Variants in APEX1 observed in about 807,000 individuals in gnomAD.
The protein encoded by APEX1 is apurinic/apyrimidinic endodeoxyribonuclease 1.
A neutral mutation model predicts 33.2 loss-of-function variants in APEX1; 32 were observed. The ratio of observed to expected loss-of-function variants is 0.96; its 90% CI spans 0.73 to 1.29. The LOEUF is 1.29. Ranked by LOEUF, APEX1 falls within the 50% of genes most tolerant of loss-of-function variation. The probability of loss-of-function intolerance (pLI) is 0.00; values close to 1 mark genes in which losing one functional copy is unlikely to be tolerated. For missense variants in APEX1, 442 were observed against 395.6 expected, an observed-to-expected ratio of 1.12 and a Z score of -0.99; for synonymous variants, 175 against 156.6, an observed-to-expected ratio of 1.12 and a Z score of -0.88.
At position 20,456,763 on chromosome 14, in the gene APEX1, C is replaced by G. The variant is rs1384072273; in HGVS notation, c.342C>G (p.Leu114=). Residue 114 remains leucine, a synonymous_variant, in exon 4 of 5, where the codon CTC becomes CTG. Coordinates refer to ENST00000216714, the MANE Select transcript of APEX1 (RefSeq NM_001641.4). ...CTGAACTTCAGGAGCTGCCTGGACT[C>G]TCTCATCAATACTGGTCAGCTCCTT... ...LPAELQELPG[L]SHQYWSAPSD... 2 of 1,614,236 alleles carry G rather than the reference C, an allele frequency of 1.2e-6. No homozygotes were observed. The highest frequency in any genetic ancestry group is 1.7e-5 in the Admixed American group (1 of 60,030).
At position 20,457,693 on chromosome 14, in the gene APEX1, T is replaced by TAA; in HGVS notation, c.*193_*194dup. On this transcript the variant is annotated 3_prime_UTR_variant, in exon 5 of 5. Transcript: ENST00000216714. Reference sequence around the variant, plus strand: ...TTTTATTTGAGGGTTTTTTGTTTTTTAAAAAAAAATTGAACAAAGACTACT... The same window carrying TAA: ...TTTTATTTGAGGGTTTTTTGTTTTTTAAAAAAAAAAATTGAACAAAGACTACT... The TAA allele has an allele frequency of 2.6e-6, 2 of 777,822 alleles. No individual in the cohort carries two copies. The highest frequency in any genetic ancestry group is 4.0e-6 in the Non-Finnish European group (2 of 495,524). 48.2% of individuals were successfully genotyped at this position (777,822 alleles called of 1,614,324 possible).
Position 20,457,241 on chromosome 14 carries a change from T to C in APEX1, c.690T>C (p.Ala230=), listed in dbSNP as rs1387546665. The stretch of plus-strand genomic sequence containing the variant: ...ACCCCAAGGGGAACAAAAAGAATGC[T>C]GGCTTCACGCCACAAGAGCGCCAAG... ...LRNPKGNKKN[A]GFTPQERQGF... The change falls in exon 5 of 5, where the codon GCT becomes GCC. Residue 230 remains alanine, a synonymous_variant. Transcript: ENST00000216714. 3 of 1,614,246 alleles carry C rather than the reference T, an allele frequency of 1.9e-6. No individual in the cohort carries two copies.
In APEX1 at chr14:20,455,723, CCTT is replaced by C. The variant is rs770525472; in HGVS notation, c.58+25_58+27del. ...GGACAGGTAAGGGAATGAAATCAGC[CCTT>C]CTTCCTAGAAGCTGCGGCGGGGGTG... On this transcript the variant is annotated intron_variant, in intron 2 of 4. Coordinates refer to ENST00000216714, the MANE Select transcript of APEX1 (RefSeq NM_001641.4). 1.2e-6 allele frequency: 2 copies of C among 1,614,116 alleles called. No individual in the cohort carries two copies. The highest frequency in any genetic ancestry group is 1.7e-6 in the Non-Finnish European group (2 of 1,180,024).
chr14:20,456,487 C>T (rs1881363392), intron 3 of APEX1, among the ~76,000 whole-genome samples, 181 bp from the exon 4 acceptor site: 1 of 152,086 alleles, frequency 6.6e-6, no homozygotes, highest in South Asian at 2.1e-4. Flanking sequence ...ACTTTCTTAC[C>T]TCTCTATATT....
rs1269760185 is a variant in APEX1 at position 20,456,709 on chromosome 14, G to T, written c.288G>T (p.Glu96Asp). Residue 96 changes from glutamate to aspartate, a missense_variant, in exon 4 of 5, where the codon GAG becomes GAT. Transcript: ENST00000216714. ...EEAPDILCLQ[E>D]TKCSENKLPA... ...CCCCAGATATACTGTGCCTTCAAGA[G>T]ACCAAATGTTCAGAGAACAAACTAC... 3 of 1,614,106 alleles carry T rather than the reference G, an allele frequency of 1.9e-6. 1 individual carries two copies. Among genetic ancestry groups the T allele is most frequent in the South Asian group, 2.2e-5 (2 of 91,082 alleles).
Position 20,457,337 on chromosome 14 carries a change from T to C in APEX1, c.786T>C (p.Tyr262=), listed in dbSNP as rs1594415933. 1 of 1,614,232 alleles carries C rather than the reference T, an allele frequency of 6.2e-7. No individual in the cohort carries two copies. Among genetic ancestry groups the C allele is most frequent in the Non-Finnish European group, 8.5e-7 (1 of 1,180,038 alleles). The change falls in exon 5 of 5, where the codon TAT becomes TAC. Residue 262 remains tyrosine (Y), a synonymous_variant. Coordinates refer to ENST00000216714, the MANE Select transcript of APEX1 (RefSeq NM_001641.4). ...GGCACCTCTACCCCAACACACCCTA[T>C]GCCTACACCTTTTGGACTTATATGA... ...SFRHLYPNTP[Y]AYTFWTYMMN...
rs1881269875 is a variant in APEX1, at chr14:20,455,407, A to G, written c.-69+13A>G. 1.6e-6 allele frequency: 1 copy of G among 625,032 alleles called. No individual in the cohort carries two copies. The highest frequency in any genetic ancestry group is 2.8e-6 in the Non-Finnish European group (1 of 356,136). 38.7% of individuals were successfully genotyped at this position (625,032 alleles called of 1,614,324 possible). A position where few individuals can be genotyped will look rare whatever the true frequency, so the allele number is the denominator to read the frequency against. Reference sequence around the variant, plus strand: ...TCTCGCGAGTAGGGTACAAGGCACTATGAAATGATCTAGTTTCGTGGGTGA... The same window carrying G: ...TCTCGCGAGTAGGGTACAAGGCACTGTGAAATGATCTAGTTTCGTGGGTGA... On this transcript the variant is annotated intron_variant, in intron 1 of 4. Coordinates refer to ENST00000216714, the MANE Select transcript of APEX1 (RefSeq NM_001641.4).
intron 2 of APEX1, 23 bp from the exon 3 acceptor site, chr14:20,455,891 A>C (rs1881305846): frequency 6.2e-7 from 1 of 1,613,910 alleles, no homozygotes; most frequent in Admixed American, 1.7e-5. Flanking sequence ...GCTTTTTGTC[A>C]GTATATATTA....
At position 20,457,445 on chromosome 14, in the gene APEX1, C is replaced by T. The variant is rs1594416134; in HGVS notation, c.894C>T (p.Ser298=). The change falls in exon 5 of 5, where the codon AGC becomes AGT. Residue 298 remains serine (S), a synonymous_variant. Coordinates refer to ENST00000216714, the MANE Select transcript of APEX1 (RefSeq NM_001641.4). ...CTCTGTTACCTGCATTGTGTGACAG[C>T]AAGATCCGTTCCAAGGCCCTCGGCA... ...SHSLLPALCD[S]KIRSKALGSD... The T allele has an allele frequency of 2.5e-6, 4 of 1,614,230 alleles. No individual in the cohort carries two copies. Among genetic ancestry groups the T allele is most frequent in the Non-Finnish European group, 3.4e-6 (4 of 1,180,042 alleles).
At position 20,457,121 on chromosome 14, in the gene APEX1, A is replaced by T. The variant is rs1348424184; in HGVS notation, c.570A>T (p.Glu190Asp). 1 of 1,614,058 alleles carries T rather than the reference A, an allele frequency of 6.2e-7. No homozygotes were observed. Among genetic ancestry groups the T allele is most frequent in the Non-Finnish European group, 8.5e-7 (1 of 1,180,036 alleles). The change falls in exon 5 of 5, where the codon GAA becomes GAT. Residue 190 changes from glutamate to aspartate, a missense_variant. By Grantham distance (45) the Glu-to-Asp change is conservative (BLOSUM62 2). Coordinates refer to ENST00000216714, the MANE Select transcript of APEX1 (RefSeq NM_001641.4). ...TGGAGTACCGGCAGCGCTGGGATGAAGCCTTTCGCAAGTTCCTGAAGGGCC... is the reference window on the plus strand; with the variant it reads ...TGGAGTACCGGCAGCGCTGGGATGATGCCTTTCGCAAGTTCCTGAAGGGCC... ...VRLEYRQRWDEAFRKFLKGLA... is the reference protein window; with the variant it reads ...VRLEYRQRWDDAFRKFLKGLA...
At position 20,456,006 on chromosome 14, in the gene APEX1, C is replaced by G. The variant is rs1050256568; in HGVS notation, c.151C>G (p.Gln51Glu). Residue 51 changes from glutamine to glutamate, a missense_variant, in exon 3 of 5, where the codon CAG becomes GAG. Transcript: ENST00000216714. ...GPALYEDPPD[Q>E]KTSPSGKPAT... is the part of the protein sequence containing the mutation. ...AGCCCTGTATGAGGACCCCCCAGATCAGAAAACCTCACCCAGTGGCAAACC... is the reference window on the plus strand; with the variant it reads ...AGCCCTGTATGAGGACCCCCCAGATGAGAAAACCTCACCCAGTGGCAAACC... The G allele has an allele frequency of 1.2e-6, 2 of 1,614,174 alleles. No individual in the cohort carries two copies. The highest frequency in any genetic ancestry group is 1.1e-5 in the South Asian group (1 of 91,078).
In APEX1 at chr14:20,456,813, T is replaced by A; in HGVS notation, c.392T>A (p.Val131Glu). The A allele has an allele frequency of 1.2e-6, 2 of 1,614,170 alleles. No homozygotes were observed. Among genetic ancestry groups the A allele is most frequent in the Non-Finnish European group, 1.7e-6 (2 of 1,179,988 alleles). Residue 131 changes from valine (V) to glutamate (E), a missense_variant, in exon 4 of 5, where the codon GTG becomes GAG. Coordinates refer to ENST00000216714, the MANE Select transcript of APEX1 (RefSeq NM_001641.4). ...TCGGACAAGGAAGGGTACAGTGGCGTGGGCCTGCTTTCCCGCCAGTGCCCA... is the reference window on the plus strand; with the variant it reads ...TCGGACAAGGAAGGGTACAGTGGCGAGGGCCTGCTTTCCCGCCAGTGCCCA... ...APSDKEGYSG[V>E]GLLSRQCPLK...
chr14:20,455,541 A>C, intron 1 of APEX1, 37 bp from the exon 2 acceptor site: 1 of 1,592,372 alleles, frequency 6.3e-7, no homozygotes, highest in East Asian at 2.3e-5. Flanking sequence ...TCTTCTCCCC[A>C]GCCTTAGCTG....
At position 20,456,677 on chromosome 14, in the gene APEX1, G is replaced by A. The variant is rs1175415280; in HGVS notation, c.256G>A (p.Glu86Lys). Residue 86 changes from glutamate to lysine, a missense_variant, in exon 4 of 5, where the codon GAA (glutamate) becomes AAA (lysine). Physicochemically the swap from Glu to Lys is moderately conservative, Grantham distance 56. Coordinates refer to ENST00000216714, the MANE Select transcript of APEX1 (RefSeq NM_001641.4). ...IKKKGLDWVK[E>K]EAPDILCLQE... ...TTCTTTTCACTTACAGTGGGTAAAG[G>A]AAGAAGCCCCAGATATACTGTGCCT... 3 of 1,613,854 alleles carry A rather than the reference G, an allele frequency of 1.9e-6. No homozygotes were observed. The highest frequency in any genetic ancestry group is 1.3e-5 in the African/African-American group (1 of 74,898).
At chr14:20,456,548 C>T (rs773440352) in intron 3 of APEX1, 120 bp from the exon 4 acceptor site, 3 of 945,020 alleles carry the variant, frequency 3.2e-6, no homozygotes, top group South Asian at 2.7e-5. Context: ...CTGCTTGACT[C>T]GAACTCCTTA....
Position 20,456,813 on chromosome 14 carries a change from T to G in APEX1, c.392T>G (p.Val131Gly). The change falls in exon 4 of 5, where the codon GTG becomes GGG. Residue 131 changes from valine (V) to glycine (G), a missense_variant. By Grantham distance (109) the Val-to-Gly change is moderately radical (BLOSUM62 -3). Coordinates refer to ENST00000216714, the MANE Select transcript of APEX1 (RefSeq NM_001641.4). ...TCGGACAAGGAAGGGTACAGTGGCGTGGGCCTGCTTTCCCGCCAGTGCCCA... is the reference window on the plus strand; with the variant it reads ...TCGGACAAGGAAGGGTACAGTGGCGGGGGCCTGCTTTCCCGCCAGTGCCCA... ...APSDKEGYSGVGLLSRQCPLK... is the reference protein window; with the variant it reads ...APSDKEGYSGGGLLSRQCPLK... 6.2e-7 allele frequency: 1 copy of G among 1,614,172 alleles called. No individual in the cohort carries two copies. Among genetic ancestry groups the G allele is most frequent in the South Asian group, 1.1e-5 (1 of 91,078 alleles).
rs61730854 is a variant in APEX1 at position 20,456,046 on chromosome 14, T to C, written c.191T>C (p.Ile64Thr). Residue 64 changes from isoleucine to threonine, a missense_variant, in exon 3 of 5, where the codon ATC becomes ACC. By Grantham distance (89) the Ile-to-Thr change is moderately conservative (BLOSUM62 -1). Transcript: ENST00000216714. ...SPSGKPATLK[I>T]CSWNVDGLRA... is the part of the protein sequence containing the mutation. The stretch of plus-strand genomic sequence containing the variant: ...AGTGGCAAACCTGCCACACTCAAGA[T>C]CTGCTCTTGGAATGTGGATGGGCTT... 1.2e-6 allele frequency: 2 copies of C among 1,614,150 alleles called. No individual in the cohort carries two copies. The highest frequency in any genetic ancestry group is 3.3e-5 in the Admixed American group (2 of 60,030).
chr14:20,456,623 CT>C, intron 3 of APEX1, 44 bp from the exon 4 acceptor site: 2 of 1,553,208 alleles, frequency 1.3e-6, no homozygotes, highest in East Asian at 4.5e-5. Context: ...AATAAATGTT[CT>C]GCTGAATTGA....
rs1881281409 is a variant in APEX1 at position 20,455,577 on chromosome 14, G to T, written c.-68-1G>T. ...GTTTCATGATTTCTTTGCGTCTGTA[G>T]GCAACGCGGTAAAAATATTGCTTCG... is the stretch of plus-strand genomic sequence containing the variant. On this transcript the variant is annotated splice_acceptor_variant, in intron 1 of 4. Transcript: ENST00000216714. LOFTEE classifies it low-confidence loss of function (5UTR_SPLICE). 3 of 1,611,800 alleles carry T rather than the reference G, an allele frequency of 1.9e-6. No individual in the cohort carries two copies. Among genetic ancestry groups the T allele is most frequent in the Non-Finnish European group, 2.5e-6 (3 of 1,179,734 alleles).
Sources: gnomAD v4.1 joint callset for allele counts (sites outside exome capture counted in the v4.1 genomes callset) on GRCh38, gnomAD v4.1.1 for gene constraint, MANE v1.5 for transcripts, NCBI Gene and HGNC (gene_info 2026-07-23, HGNC 2026-07-21) for gene names.